The following PDSS2 variants were observed in gnomAD, a reference collection of about 807,000 sequenced individuals.
The protein encoded by PDSS2 is decaprenyl diphosphate synthase subunit 2, also known as all trans-polyprenyl-diphosphate synthase PDSS2.
A neutral mutation model predicts 44.5 loss-of-function variants in PDSS2; 31 were observed. The ratio of observed to expected loss-of-function variants is 0.70; its 90% CI spans 0.52 to 0.94. The LOEUF is 0.94. PDSS2 is among the 40% of genes least tolerant of loss of function. The pLI, the probability that PDSS2 is intolerant of heterozygous loss-of-function variation, is 0.00. For missense variants in PDSS2, 452 were observed against 482.2 expected (o/e 0.94, Z 0.59); for synonymous variants, 157 against 180.3 (o/e 0.87, Z 1.03).
chr6:107,246,652 A>G (rs1349059736), intron 3 of PDSS2, among the ~76,000 whole-genome samples: 1 of 152,218 alleles, frequency 6.6e-6, no homozygotes, highest in Non-Finnish European at 1.5e-5. Context: ...TGGGTTTAAT[A>G]AACATTTTCT....
At chr6:107,331,782 A>C (rs1777718650) in intron 2 of PDSS2, among the ~76,000 whole-genome samples, 1 of 152,172 alleles carries the variant, frequency 6.6e-6, no homozygotes, top group Non-Finnish European at 1.5e-5. Flanking sequence ...ATATTTATTG[A>C]ATATTTACTA....
rs550722075 is a variant in PDSS2 at position 107,358,180 on chromosome 6, C to T, written c.297-23848G>A. Among the ~76,000 whole-genome samples the T allele has an allele frequency of 1.9e-4, 29 of 152,204 alleles. 1 individual carries two copies. The highest frequency in any genetic ancestry group is 3.4e-4 in the Non-Finnish European group (23 of 67,992). On this transcript the variant is annotated intron_variant, in intron 1 of 7. Coordinates refer to ENST00000369037, the MANE Select transcript of PDSS2 (RefSeq NM_020381.4). The stretch of plus-strand genomic sequence containing the variant: ...TTATTAAAAATACTATGTGAAATTA[C>T]CTTCGGACTAGGTGTATAAGGAAAC...
intron 1 of PDSS2, among the ~76,000 whole-genome samples, chr6:107,342,047 C>T (rs139898071): frequency 6.6e-6 from 1 of 152,068 alleles, no homozygotes; most frequent in African/African-American, 2.4e-5. Context: ...CTCCAATGCC[C>T]GGGCTTGCTT....
intron 3 of PDSS2, among the ~76,000 whole-genome samples, chr6:107,265,199 A>C (rs1775374954): frequency 6.6e-6 from 1 of 152,180 alleles, no homozygotes; most frequent in African/African-American, 2.4e-5. Flanking sequence ...CTTCAGGGAA[A>C]AGCCAAAGGG....
At chr6:107,256,515 CCAAGGTTTGTACTCTAAAGG>C (rs1293771594) in intron 3 of PDSS2, among the ~76,000 whole-genome samples, 1 of 152,054 alleles carries the variant, frequency 6.6e-6, no homozygotes, top group Non-Finnish European at 1.5e-5. Context: ...CAGAGACATC[CCAAGGTTTGTACTCTAAAGG>C]CAGGCACAGA....
At chr6:107,321,477 T>C (rs1033869647) in intron 2 of PDSS2, among the ~76,000 whole-genome samples, 4 of 152,256 alleles carry the variant, frequency 2.6e-5, no homozygotes, top group Admixed American at 2.0e-4. Context: ...CTTTCTTCTA[T>C]GTTCTAGCTC....
At chr6:107,418,446 T>C (rs973156968) in intron 1 of PDSS2, among the ~76,000 whole-genome samples, 1 of 152,150 alleles carries the variant, frequency 6.6e-6, no homozygotes, top group Non-Finnish European at 1.5e-5. Context: ...ATTTCTGACC[T>C]CCAGAACACA....
intron 4 of PDSS2, among the ~76,000 whole-genome samples, chr6:107,215,774 A>C (rs999255766): frequency 6.6e-6 from 1 of 152,166 alleles, no homozygotes; most frequent in Non-Finnish European, 1.5e-5. Flanking sequence ...TCATACATAA[A>C]AACTAATCAG....
intron 1 of PDSS2, among the ~76,000 whole-genome samples, chr6:107,353,826 T>C (rs1234933254): frequency 1.3e-5 from 2 of 152,094 alleles, no homozygotes; most frequent in Admixed American, 1.3e-4. Context: ...CACTGGAAAA[T>C]TTAAAATGTA....
At chr6:107,165,678 G>A (rs1771317375) in intron 7 of PDSS2, among the ~76,000 whole-genome samples, 1 of 151,778 alleles carries the variant, frequency 6.6e-6, no homozygotes, top group Non-Finnish European at 1.5e-5. Flanking sequence ...GAACTTTAAA[G>A]TAGTTTTTTC....
At chr6:107,253,917 C>G (rs1234857277) in intron 3 of PDSS2, among the ~76,000 whole-genome samples, 1 of 152,098 alleles carries the variant, frequency 6.6e-6, no homozygotes, top group Non-Finnish European at 1.5e-5. Context: ...AATCCCAACA[C>G]TTTGTGAGGC....
At chr6:107,372,911 G>A (rs996115868) in intron 1 of PDSS2, among the ~76,000 whole-genome samples, 1 of 151,768 alleles carries the variant, frequency 6.6e-6, no homozygotes, top group African/African-American at 2.4e-5. Context: ...AATGTATACA[G>A]GTAATTATAG....
At chr6:107,249,906 A>G (rs1347288522) in intron 3 of PDSS2, among the ~76,000 whole-genome samples, 1 of 152,192 alleles carries the variant, frequency 6.6e-6, no homozygotes. Context: ...ACCTTAACAA[A>G]ATTATAGATC....
chr6:107,400,923 T>C (rs1219687541), intron 1 of PDSS2, among the ~76,000 whole-genome samples: 1 of 152,218 alleles, frequency 6.6e-6, no homozygotes, highest in East Asian at 1.9e-4. Flanking sequence ...TCCCGAGCAC[T>C]GTGCAATTGT....
At chr6:107,231,649 A>C (rs941700036) in intron 4 of PDSS2, among the ~76,000 whole-genome samples, 5 of 152,200 alleles carry the variant, frequency 3.3e-5, no homozygotes, top group African/African-American at 4.8e-5. Flanking sequence ...TCCTCAATAC[A>C]AATGTTCAAG....
chr6:107,358,530 C>T (rs550103761), intron 1 of PDSS2, among the ~76,000 whole-genome samples: 1 of 152,208 alleles, frequency 6.6e-6, no homozygotes, highest in Non-Finnish European at 1.5e-5. Flanking sequence ...TTCTACACTT[C>T]TTGTGCCACA....
At chr6:107,290,979 A>G (rs1280518770) in intron 2 of PDSS2, among the ~76,000 whole-genome samples, 2 of 151,520 alleles carry the variant, frequency 1.3e-5, no homozygotes, top group Non-Finnish European at 1.5e-5. Context: ...TTTCTAAAAC[A>G]TGCTTCAATA....
intron 1 of PDSS2, among the ~76,000 whole-genome samples, chr6:107,421,408 T>C (rs111474120): frequency 6.6e-6 from 1 of 152,288 alleles, no homozygotes; most frequent in Non-Finnish European, 1.5e-5. Context: ...AGCAGCTTTA[T>C]TTGTAACAGC....
At chr6:107,374,024 C>A (rs1356855814) in intron 1 of PDSS2, among the ~76,000 whole-genome samples, 2 of 152,048 alleles carry the variant, frequency 1.3e-5, no homozygotes, top group Admixed American at 1.3e-4. Context: ...GAGGCCGAGG[C>A]ACGGCAGATT....
Sources: gnomAD v4.1 joint callset for allele counts (sites outside exome capture counted in the v4.1 genomes callset) on GRCh38, gnomAD v4.1.1 for gene constraint, MANE v1.5 for transcripts, NCBI Gene and HGNC (gene_info 2026-07-23, HGNC 2026-07-21) for gene names.